The following SCAPER variants were observed in gnomAD, a reference collection of about 807,000 sequenced individuals.
The protein encoded by SCAPER is S phase cyclin A-associated protein in the endoplasmic reticulum.
Under a neutral mutation model 182.2 loss-of-function variants are expected in SCAPER, and 98 were observed. The observed-to-expected ratio is 0.54, with a 90% CI of 0.46 to 0.64. SCAPER has a LOEUF of 0.64. Among genes scored for constraint, SCAPER ranks in the 30% least tolerant of loss-of-function variants. The pLI is 0.00. For missense variants in SCAPER, 1,432 were observed against 1,690.0 expected (o/e 0.85, Z 2.68); for synonymous variants, 605 against 564.6 (o/e 1.07, Z -1.01).
chr15:76,522,686 T>C (rs1258943914), intron 23 of SCAPER, among the ~76,000 whole-genome samples: 1 of 152,082 alleles, frequency 6.6e-6, no homozygotes, highest in Non-Finnish European at 1.5e-5. Context: ...GAGTGACGAC[T>C]AAGGTGTAGA....
chr15:76,458,300 G>T lies in SCAPER; in HGVS notation c.3078+12912C>A, dbSNP rs533236312. 2.0e-5 allele frequency among the ~76,000 whole-genome samples: 3 copies of T among 151,962 alleles called. No individual in the cohort carries two copies. In the South Asian group the frequency reaches 6.3e-4, roughly 32 times the overall value. On this transcript the variant is annotated intron_variant, in intron 25 of 31. Coordinates refer to ENST00000563290, the MANE Select transcript of SCAPER (RefSeq NM_020843.4). Reference sequence around the variant, plus strand: ...GTGTGCGTGTATATAAAGGGAAAGAGAGAGAGAAAAATTATATATGTAGAG... The same window carrying T: ...GTGTGCGTGTATATAAAGGGAAAGATAGAGAGAAAAATTATATATGTAGAG...
At chr15:76,827,448 T>C (rs1390916477) in intron 5 of SCAPER, among the ~76,000 whole-genome samples, 1 of 151,956 alleles carries the variant, frequency 6.6e-6, no homozygotes, top group Non-Finnish European at 1.5e-5. Flanking sequence ...GACCATACAG[T>C]AGGAGGTTTT....
chr15:76,721,928 T>A (rs147629910), intron 17 of SCAPER, among the ~76,000 whole-genome samples: 52,462 of 151,974 alleles, frequency 0.35, 9,359 homozygotes, highest in East Asian at 0.55. Context: ...TTCCTTCTCC[T>A]GTCTGACTGC....
intron 17 of SCAPER, among the ~76,000 whole-genome samples, chr15:76,719,138 T>C (rs937194117): frequency 6.6e-6 from 1 of 152,144 alleles, no homozygotes; most frequent in Admixed American, 6.6e-5. Context: ...AGCCAAGATA[T>C]GAAAGGAAAC....
intron 25 of SCAPER, among the ~76,000 whole-genome samples, chr15:76,445,507 T>C (rs1333587757): frequency 1.3e-5 from 2 of 152,140 alleles, no homozygotes; most frequent in Non-Finnish European, 2.9e-5. Flanking sequence ...GTCACCTCAT[T>C]ACTGTCAGCT....
chr15:76,514,796 T>C (rs974921522), intron 23 of SCAPER, among the ~76,000 whole-genome samples: 7 of 152,208 alleles, frequency 4.6e-5, no homozygotes, highest in South Asian at 2.1e-4. Flanking sequence ...TTTCCCAATA[T>C]GGAAAACTTT....
intron 27 of SCAPER, among the ~76,000 whole-genome samples, chr15:76,399,700 T>C (rs1462456070): frequency 6.6e-6 from 1 of 152,178 alleles, no homozygotes; most frequent in African/African-American, 2.4e-5. Context: ...AAATCGTGTT[T>C]CGGAAAACCT....
intron 27 of SCAPER, among the ~76,000 whole-genome samples, chr15:76,392,080 CAT>C (rs2043733810): frequency 6.6e-6 from 1 of 152,152 alleles, no homozygotes; most frequent in African/African-American, 2.4e-5. Context: ...CAGGATCTAA[CAT>C]ATTAAATATA....
chr15:76,634,715 T>C (rs2053448132), intron 21 of SCAPER, among the ~76,000 whole-genome samples: 2 of 152,222 alleles, frequency 1.3e-5, no homozygotes, highest in Non-Finnish European at 2.9e-5. Flanking sequence ...TTGCCAAATG[T>C]AATTGCTTTC....
At chr15:76,654,630 A>G (rs1445078427) in intron 21 of SCAPER, among the ~76,000 whole-genome samples, 1 of 152,224 alleles carries the variant, frequency 6.6e-6, no homozygotes, top group African/African-American at 2.4e-5. Context: ...ATATACCCCA[A>G]ATAAAATAAT....
At chr15:76,479,201 T>A (rs2050900910) in intron 24 of SCAPER, among the ~76,000 whole-genome samples, 1 of 152,100 alleles carries the variant, frequency 6.6e-6, no homozygotes, top group Admixed American at 6.5e-5. Context: ...AAACTCAGGG[T>A]CAGGAAAAAC....
intron 15 of SCAPER, among the ~76,000 whole-genome samples, chr15:76,741,882 G>C (rs2061558501): frequency 6.6e-6 from 1 of 152,086 alleles, no homozygotes; most frequent in Admixed American, 6.6e-5. Context: ...ATTGAGTCTA[G>C]AGCTCAGTTG....
chr15:76,798,232 C>A (rs899447108), intron 7 of SCAPER, among the ~76,000 whole-genome samples: 4 of 151,824 alleles, frequency 2.6e-5, no homozygotes, highest in Non-Finnish European at 5.9e-5. Flanking sequence ...TGGTGGCATG[C>A]GCCTATAATT....
intron 26 of SCAPER, among the ~76,000 whole-genome samples, chr15:76,412,945 C>G (rs1195876859): frequency 6.6e-6 from 1 of 152,026 alleles, no homozygotes; most frequent in East Asian, 1.9e-4. Context: ...GCTTTACTTT[C>G]ATGAGATTTA....
intron 9 of SCAPER, among the ~76,000 whole-genome samples, chr15:76,773,047 C>T (rs34181263): frequency 0.38 from 58,290 of 151,576 alleles, 13,259 homozygotes; most frequent in Middle Eastern, 0.53. Context: ...AAGGATATAA[C>T]ATTGTTTATA....
intron 25 of SCAPER, among the ~76,000 whole-genome samples, chr15:76,446,964 A>T (rs62028419): frequency 0.1 from 15,209 of 152,218 alleles, 1,013 homozygotes; most frequent in African/African-American, 0.18. Flanking sequence ...ACTTCATTGT[A>T]CAACAGACTC....
intron 23 of SCAPER, among the ~76,000 whole-genome samples, chr15:76,537,481 T>C (rs892154469): frequency 1.3e-5 from 2 of 152,136 alleles, no homozygotes; most frequent in Non-Finnish European, 2.9e-5. Context: ...GATTCCCTAT[T>C]TAATAAAAGG....
intron 4 of SCAPER, among the ~76,000 whole-genome samples, chr15:76,852,765 A>G (rs2070885580): frequency 1.3e-5 from 2 of 152,204 alleles, no homozygotes; most frequent in Admixed American, 6.5e-5. Context: ...ACAATCTAAC[A>G]TCACAACTAA....
chr15:76,878,943 A>G (rs1049903718), intron 2 of SCAPER, among the ~76,000 whole-genome samples: 9 of 152,176 alleles, frequency 5.9e-5, no homozygotes, highest in African/African-American at 2.2e-4. Context: ...AAATTTACCA[A>G]AAAAATTTTT....
Sources: gnomAD v4.1 joint callset for allele counts (sites outside exome capture counted in the v4.1 genomes callset) on GRCh38, gnomAD v4.1.1 for gene constraint, MANE v1.5 for transcripts, NCBI Gene and HGNC (gene_info 2026-07-23, HGNC 2026-07-21) for gene names.